The following NEBL variants were observed in gnomAD, a reference collection of about 807,000 sequenced individuals.
The protein encoded by NEBL is LIM and SH3 protein 2.
NEBL carries 122 observed loss-of-function variants against 140.2 expected under a neutral mutation model. That is an observed-to-expected ratio of 0.87 (90% CI 0.75 to 1.01). The LOEUF is 1.01. Among genes scored for constraint, NEBL ranks in the 50% least tolerant of loss-of-function variants. NEBL has a pLI of 0.00. For synonymous variants in NEBL, 436 were observed against 398.9 expected (o/e 1.09, Z -1.11); for missense variants, 1,365 against 1,231.3 (o/e 1.11, Z -1.62).
intron 3 of NEBL, among the ~76,000 whole-genome samples, chr10:21,184,344 G>T (rs1358136139): frequency 1.3e-5 from 2 of 152,164 alleles, no homozygotes; most frequent in East Asian, 3.9e-4. Context: ...CAGTAAAGGG[G>T]CTGAGATTTC....
At chr10:20,795,125 G>T (rs77288884) in intron 26 of NEBL, among the ~76,000 whole-genome samples, 6 of 152,024 alleles carry the variant, frequency 3.9e-5, no homozygotes. Context: ...TCAGAAAAGT[G>T]TAAGAGTACT....
chr10:20,939,217 C>G (rs1326238293), intron 4 of NEBL, among the ~76,000 whole-genome samples: 1 of 152,218 alleles, frequency 6.6e-6, no homozygotes, highest in Non-Finnish European at 1.5e-5. Flanking sequence ...GGATGCCCAT[C>G]AGACTAACAG....
Position 20,897,165 on chromosome 10 carries a change from TCA to T in NEBL, c.39_40del (p.Glu14ArgfsTer10). The T allele has an allele frequency of 6.2e-7, 1 of 1,606,854 alleles. No individual in the cohort carries two copies. Among genetic ancestry groups the T allele is most frequent in the Admixed American group, 1.7e-5 (1 of 59,878 alleles). On this transcript the variant is annotated frameshift_variant, in exon 1 of 28. Coordinates refer to ENST00000377122, the MANE Select transcript of NEBL (RefSeq NM_006393.3). LOFTEE classifies it high-confidence loss of function. ...TTCTTCTTCCCCTATCTTTTCTTCT[TCA>T]GTTTCATCTTTTATATCCTCAAATA... is the stretch of plus-strand genomic sequence containing the variant.
At chr10:21,066,479 A>G (rs920663200) in intron 2 of NEBL, among the ~76,000 whole-genome samples, 1 of 152,238 alleles carries the variant, frequency 6.6e-6, no homozygotes, top group African/African-American at 2.4e-5. Context: ...ACGATTTAAA[A>G]TGGAAAAACC....
chr10:20,860,306 T>G (rs1843545674), intron 7 of NEBL, among the ~76,000 whole-genome samples: 1 of 152,056 alleles, frequency 6.6e-6, no homozygotes, highest in African/African-American at 2.4e-5. Flanking sequence ...AATTTAGTTT[T>G]AGGAATTACA....
At chr10:21,155,641 A>C (rs749886044) in intron 2 of NEBL, among the ~76,000 whole-genome samples, 20 of 152,218 alleles carry the variant, frequency 1.3e-4, no homozygotes, top group Non-Finnish European at 2.4e-4. Flanking sequence ...ACTCACATTC[A>C]AAACCCAAGT....
chr10:21,220,498 C>T (rs558273089), intron 3 of NEBL, among the ~76,000 whole-genome samples: 1 of 152,168 alleles, frequency 6.6e-6, no homozygotes, highest in Admixed American at 6.6e-5. Context: ...AAAATCAACT[C>T]AAAATTAATT....
At position 20,859,857 on chromosome 10, in the gene NEBL, T is replaced by A. The variant is rs369080646; in HGVS notation, c.685-31A>T. ...ATAAAAGAGAAATAGTACATGTAAC[T>A]TTACATTTAAAAGTAACACATATGA... On this transcript the variant is annotated intron_variant, in intron 7 of 27. Coordinates refer to ENST00000377122, the MANE Select transcript of NEBL (RefSeq NM_006393.3). 53 of 1,050,620 alleles carry A rather than the reference T, an allele frequency of 5.0e-5. No individual in the cohort carries two copies. In the African/African-American group the frequency reaches 7.5e-4, roughly 15 times the overall value. The allele number at this position is 1,050,620 out of a possible 1,614,324, so 65.1% of individuals were successfully genotyped here. A position where few individuals can be genotyped will look rare whatever the true frequency, so the allele number is the denominator to read the frequency against.
intron 3 of NEBL, among the ~76,000 whole-genome samples, chr10:21,204,363 C>T (rs902860596): frequency 1.1e-4 from 16 of 152,292 alleles, no homozygotes; most frequent in East Asian, 1.9e-4. Flanking sequence ...ATGAGGTCAT[C>T]GGGGTGAGTC....
chr10:20,983,414 AT>A (rs1837131818), intron 3 of NEBL, among the ~76,000 whole-genome samples: 2 of 152,198 alleles, frequency 1.3e-5, no homozygotes, highest in African/African-American at 2.4e-5. Flanking sequence ...TGGTAGAATC[AT>A]TTTCAAAAAT....
chr10:21,239,849 T>G (rs1053674217), intron 3 of NEBL, among the ~76,000 whole-genome samples: 1 of 152,040 alleles, frequency 6.6e-6, no homozygotes, highest in African/African-American at 2.4e-5. Flanking sequence ...ACCCCATCTC[T>G]ACTAAAAATA....
upstream of NEBL, among the ~76,000 whole-genome samples, chr10:20,901,987 T>C (rs1564434386): frequency 1.3e-5 from 2 of 152,194 alleles, no homozygotes; most frequent in Non-Finnish European, 2.9e-5. Context: ...ACTTTTACAA[T>C]TTAGAATTCA....
In NEBL at chr10:21,053,119, G is replaced by A. The variant is rs146050526; in HGVS notation, c.165-32918C>T. On this transcript the variant is annotated intron_variant, in intron 2 of 6. Coordinates refer to the NEBL transcript ENST00000417816. ...AAAATATCACATGCCCCATAAATAT[G>A]TACAAATATTATATCACGATAAATG... Among the ~76,000 whole-genome samples, 45 of 152,086 alleles carry A rather than the reference G, an allele frequency of 3.0e-4. No individual in the cohort carries two copies. The East Asian group carries it at 6.2e-3, about 21-fold the overall frequency.
intron 9 of NEBL, among the ~76,000 whole-genome samples, chr10:20,856,623 T>C (rs754482159): frequency 1.7e-4 from 26 of 151,998 alleles, no homozygotes; most frequent in Non-Finnish European, 2.6e-4. Flanking sequence ...ACTCAAGGAA[T>C]AGAGGAATGT....
chr10:21,233,731 A>G (rs1406202509), intron 3 of NEBL, among the ~76,000 whole-genome samples: 6 of 143,394 alleles, frequency 4.2e-5, no homozygotes, highest in Non-Finnish European at 9.1e-5. Flanking sequence ...GATATATATT[A>G]CATATATAGA....
At chr10:20,827,497 G>C (rs1839989330) in intron 17 of NEBL, among the ~76,000 whole-genome samples, 1 of 152,204 alleles carries the variant, frequency 6.6e-6, no homozygotes, top group Admixed American at 6.5e-5. Flanking sequence ...ATATTTTGAT[G>C]AGATGCTTCC....
chr10:21,080,099 G>A (rs1836297220), intron 2 of NEBL, among the ~76,000 whole-genome samples: 1 of 152,240 alleles, frequency 6.6e-6, no homozygotes, highest in Admixed American at 6.5e-5. Flanking sequence ...GTAAAGCATA[G>A]AGAGACGGTT....
chr10:21,274,695 G>A (rs1842898839), intron 1 of NEBL, among the ~76,000 whole-genome samples: 2 of 151,814 alleles, frequency 1.3e-5, no homozygotes, highest in Admixed American at 1.3e-4. Context: ...CAAAGTGCTG[G>A]GATTACAAGT....
rs1473518316 is a variant in NEBL at position 21,073,156 on chromosome 10, C to A, written c.165-52955G>T. On this transcript the variant is annotated intron_variant, in intron 2 of 6. Transcript: ENST00000417816. ...CTCAAGAAGTGTGTACTCCCCAACC[C>A]TGGAAAAATGTCTTCATTCATCAGG... 2.0e-5 allele frequency among the ~76,000 whole-genome samples: 3 copies of A among 152,192 alleles called. No homozygotes were observed. In the South Asian group the frequency reaches 6.2e-4, roughly 32 times the overall value.
Sources: allele counts gnomAD v4.1 joint callset (sites outside exome capture counted in the v4.1 genomes callset), GRCh38; gene constraint gnomAD v4.1.1; transcripts MANE v1.5; gene names NCBI Gene and HGNC (gene_info 2026-07-23, HGNC 2026-07-21).